TBC1D31: variants seen among roughly 807,000 people sequenced by gnomAD.
TBC1D31 encodes the protein TBC1 domain family member 31, also known as WD repeat domain 67.
TBC1D31 carries 99 observed loss-of-function variants against 132.9 expected under a neutral mutation model. The observed-to-expected ratio is 0.74, with a 90% CI of 0.63 to 0.88. The LOEUF is 0.88. TBC1D31 is among the 40% of genes least tolerant of loss of function. The pLI is 0.00. For synonymous variants in TBC1D31, 385 were observed against 419.4 expected, an observed-to-expected ratio of 0.92 and a Z score of 1.00; for missense variants, 1,134 against 1,256.6, an observed-to-expected ratio of 0.90 and a Z score of 1.48.
Position 123,105,289 on chromosome 8 carries a change from C to A in TBC1D31, c.1034C>A (p.Pro345Gln). ...VQALTQEINK[P>Q]PPPLVKVIED... ...ATATATATTTATTTTTCCATTTAGC[C>A]ACCTCCGCCTTTAGTGAAAGTTATT... The change falls in exon 8 of 22, where the codon CCA (proline) becomes CAA (glutamine). Residue 345 changes from proline to glutamine, a missense_variant and splice_region_variant. Transcript: ENST00000287380. The A allele has an allele frequency of 6.6e-7, 1 of 1,525,890 alleles. No individual in the cohort carries two copies. The highest frequency in any genetic ancestry group is 1.3e-5 in the South Asian group (1 of 76,288). The allele number at this position is 1,525,890 out of a possible 1,614,324, so 94.5% of individuals were successfully genotyped here.
chr8:123,073,919 C>A (rs961191958), intron 1 of TBC1D31, among the ~76,000 whole-genome samples: 2 of 152,062 alleles, frequency 1.3e-5, no homozygotes, highest in African/African-American at 4.8e-5. Context: ...CTCCTGGCCT[C>A]AGGTGATCCG....
intron 14 of TBC1D31, 81 bp downstream of exon 14, chr8:123,128,594 T>C: frequency 8.6e-7 from 1 of 1,169,556 alleles, no homozygotes; most frequent in South Asian, 1.5e-5. Flanking sequence ...AAAATACATT[T>C]GGCTGAGCGC....
intron 7 of TBC1D31, chr8:123,104,324 C>T (rs2130444398): frequency 6.6e-6 from 1 of 152,196 alleles, no homozygotes; most frequent in South Asian, 2.1e-4. Context: ...CATTGAAGCG[C>T]TATTTATTGT....
At chr8:123,161,203 G>C in the TBC1D31 span, among the ~76,000 whole-genome samples, 1 of 152,226 alleles carries the variant, frequency 6.6e-6, no homozygotes, top group African/African-American at 2.4e-5. Flanking sequence ...TGCACCGGCA[G>C]CTCTAGGCCT....
At chr8:123,127,958 G>T (rs2385166) in intron 13 of TBC1D31, 47,845 of 173,722 alleles carry the variant, frequency 0.28, 6,807 homozygotes, top group Admixed American at 0.35. Context: ...ATTTTCAAAG[G>T]CTAATTTATA....
chr8:123,100,714 A>G, intron 6 of TBC1D31, 93 bp from the exon 7 acceptor site: 1 of 853,504 alleles, frequency 1.2e-6, no homozygotes, highest in South Asian at 1.5e-5. Flanking sequence ...ATACATACAC[A>G]AACGTTGCAT....
Position 123,126,651 on chromosome 8 carries a change from G to A in TBC1D31, c.1848G>A (p.Thr616=), listed in dbSNP as rs16898013. The change falls in exon 13 of 22, where the codon ACG becomes ACA. Residue 616 remains threonine (T), a synonymous_variant. Coordinates refer to ENST00000287380, the MANE Select transcript of TBC1D31 (RefSeq NM_145647.4). ...TVVAYNICSR[T]PLLSCNLKDD... The stretch of plus-strand genomic sequence containing the variant: ...TAGCCTACAACATATGTTCTAGAAC[G>A]CCTCTGCTCAGCTGTAATCTTAAAG... 0.073 allele frequency: 118,433 copies of A among 1,612,566 alleles called. 5,400 individuals carry two copies. The highest frequency in any genetic ancestry group is 0.2 in the Admixed American group (12,138 of 59,902).
chr8:123,134,031 G>A lies in TBC1D31; in HGVS notation c.2407-83G>A, dbSNP rs1471913670. The stretch of plus-strand genomic sequence containing the variant: ...TTATTTTAAATACTGTTAGTAGGTC[G>A]TTCAGATTACAGGATTACTAAATAT... On this transcript the variant is annotated intron_variant, in intron 16 of 21. Transcript: ENST00000287380. 1.5e-5 allele frequency: 16 copies of A among 1,063,120 alleles called. 1 individual carries two copies. Among genetic ancestry groups the A allele is most frequent in the South Asian group, 1.3e-4 (8 of 60,182 alleles). The allele number at this position is 1,063,120 out of a possible 1,614,324, so 65.9% of individuals were successfully genotyped here. A position where few individuals can be genotyped will look rare whatever the true frequency, so the allele number is the denominator to read the frequency against.
Position 123,142,297 on chromosome 8 carries a change from A to G in TBC1D31, c.2676A>G (p.Ala892=), listed in dbSNP as rs1219794048. The change falls in exon 19 of 22, where the codon GCA becomes GCG. Residue 892 remains alanine, a synonymous_variant. Transcript: ENST00000287380. ...IKENLAKAEQ[A]CLNTDWQIQS... ...AAAATTTGGCAAAGGCTGAACAAGCATGCCTAAATACCGACTGGCAGATTC... is the reference window on the plus strand; with the variant it reads ...AAAATTTGGCAAAGGCTGAACAAGCGTGCCTAAATACCGACTGGCAGATTC... 3.1e-6 allele frequency: 5 copies of G among 1,588,494 alleles called. No individual in the cohort carries two copies. In the East Asian group the frequency reaches 1.1e-4, roughly 36 times the overall value.
At chr8:123,092,829 T>TTTTTTTTTTTTTA (rs1816468384) in intron 4 of TBC1D31, among the ~76,000 whole-genome samples, 5 of 146,262 alleles carry the variant, frequency 3.4e-5, no homozygotes, top group Admixed American at 7.0e-5. Context: ...TTTTTTTTTT[T>TTTTTTTTTTTTTA]GAGACGAAGG....
rs530400220 is a variant in TBC1D31 at position 123,109,466 on chromosome 8, T to C, written c.1290-8T>C. ...AATTGGGGGGATTAAAATATATTTT[T>C]ATTTCAGAATGTTCATTTGGCGCTC... On this transcript the variant is annotated splice_polypyrimidine_tract_variant and splice_region_variant and intron_variant, in intron 9 of 21. Coordinates refer to ENST00000287380, the MANE Select transcript of TBC1D31 (RefSeq NM_145647.4). The C allele has an allele frequency of 6.2e-7, 1 of 1,611,292 alleles. No homozygotes were observed. Among genetic ancestry groups the C allele is most frequent in the East Asian group, 2.2e-5 (1 of 44,842 alleles).
At chr8:123,089,684 G>A (rs1227482261) in intron 4 of TBC1D31, among the ~76,000 whole-genome samples, 1 of 152,198 alleles carries the variant, frequency 6.6e-6, no homozygotes, top group African/African-American at 2.4e-5. Context: ...CTGCAGCCTG[G>A]GCGACAGAGT....
At chr8:123,128,648 A>G (rs1035692998) in intron 14 of TBC1D31, 135 bp downstream of exon 14, 1 of 650,260 alleles carries the variant, frequency 1.5e-6, no homozygotes, top group Non-Finnish European at 2.6e-6. Context: ...AGGCCAAGGC[A>G]GGTAGATCAC....
intron 1 of TBC1D31, 28 bp downstream of exon 1, chr8:123,072,874 C>A (rs1436103764): frequency 1.3e-6 from 2 of 1,550,200 alleles, no homozygotes; most frequent in East Asian, 2.4e-5. Flanking sequence ...AGGGCGCGGG[C>A]TGTGGAGGGG....
At chr8:123,106,151 T>A (rs1207400732) in intron 8 of TBC1D31, among the ~76,000 whole-genome samples, 1 of 152,234 alleles carries the variant, frequency 6.6e-6, no homozygotes, top group African/African-American at 2.4e-5. Flanking sequence ...TTACTTTCCA[T>A]GGTTTTGTTT....
intron 4 of TBC1D31, among the ~76,000 whole-genome samples, chr8:123,086,590 CAT>C (rs937731040): frequency 1.3e-5 from 2 of 152,166 alleles, no homozygotes; most frequent in African/African-American, 2.4e-5. Flanking sequence ...CCAAGCCTGT[CAT>C]ATCTCTTCAG....
intron 19 of TBC1D31, 36 bp downstream of exon 19, chr8:123,142,492 C>G: frequency 7.3e-7 from 1 of 1,367,896 alleles, no homozygotes; most frequent in Non-Finnish European, 9.6e-7. Context: ...TAATATCAAG[C>G]ATTGATTTTT....
At chr8:123,133,080 G>A (rs1199822226) in intron 16 of TBC1D31, among the ~76,000 whole-genome samples, 2 of 152,198 alleles carry the variant, frequency 1.3e-5, no homozygotes, top group Non-Finnish European at 2.9e-5. Context: ...AACTGCAAAA[G>A]CTCTTCTCAT....
At chr8:123,105,121 A>G (rs757051174) in intron 7 of TBC1D31, among the ~76,000 whole-genome samples, 167 bp from the exon 8 acceptor site, 1 of 152,174 alleles carries the variant, frequency 6.6e-6, no homozygotes, top group Non-Finnish European at 1.5e-5. Flanking sequence ...GCTTTGATTT[A>G]TTAGTCAAAG....
Sources: allele counts gnomAD v4.1 joint callset (sites outside exome capture counted in the v4.1 genomes callset), GRCh38; gene constraint gnomAD v4.1.1; transcripts MANE v1.5; gene names NCBI Gene and HGNC (gene_info 2026-07-23, HGNC 2026-07-21).